Variants in RALYL observed in about 807,000 individuals in gnomAD.
RALYL encodes the protein RALY RNA binding protein like.
A neutral mutation model predicts 35.1 loss-of-function variants in RALYL; 29 were observed. The observed-to-expected ratio is 0.83, with a 90% CI of 0.61 to 1.13. The LOEUF is 1.13. Ranked by LOEUF, RALYL falls within the 50% of genes most tolerant of loss-of-function variation. The pLI is 0.00. For missense variants in RALYL, 359 were observed against 360.4 expected (o/e 1.00, Z 0.03); for synonymous variants, 120 against 127.6 (o/e 0.94, Z 0.40).
At chr8:84,913,400 A>C (rs1162040131) in intron 8 of RALYL, among the ~76,000 whole-genome samples, 3 of 152,026 alleles carry the variant, frequency 2.0e-5, no homozygotes, top group Non-Finnish European at 4.4e-5. Context: ...AGAGAATTCA[A>C]CTTTTACTGA....
chr8:84,837,181 C>T (rs1428231437), intron 4 of RALYL, among the ~76,000 whole-genome samples: 1 of 152,162 alleles, frequency 6.6e-6, no homozygotes, highest in Non-Finnish European at 1.5e-5. Context: ...AACTTACGGT[C>T]AACTGTGTAT....
chr8:84,339,607 T>A (rs73294905), intron 1 of RALYL, among the ~76,000 whole-genome samples: 1,866 of 152,024 alleles, frequency 0.012, 52 homozygotes, highest in African/African-American at 0.042. Context: ...GTACAACACA[T>A]GTAATGTTCT....
intron 1 of RALYL, among the ~76,000 whole-genome samples, chr8:84,482,203 G>A (rs2054120224): frequency 6.6e-6 from 1 of 151,956 alleles, no homozygotes; most frequent in South Asian, 2.1e-4. Flanking sequence ...GAGAGCAGAG[G>A]AATACAGCTC....
chr8:84,469,994 C>A (rs889490778), intron 1 of RALYL, among the ~76,000 whole-genome samples: 1 of 152,184 alleles, frequency 6.6e-6, no homozygotes, highest in African/African-American at 2.4e-5. Context: ...CGCCCTGCTT[C>A]GGCTCGCGCA....
At chr8:84,485,964 G>A (rs192189791) in intron 1 of RALYL, among the ~76,000 whole-genome samples, 1 of 143,470 alleles carries the variant, frequency 7.0e-6, no homozygotes, top group East Asian at 2.2e-4. Context: ...ATTCTATTAT[G>A]TAAGTTATAT....
At chr8:84,786,333 G>A (rs1052836417) in intron 3 of RALYL, among the ~76,000 whole-genome samples, 6 of 151,956 alleles carry the variant, frequency 3.9e-5, no homozygotes, top group African/African-American at 1.5e-4. Flanking sequence ...TATTCCTTTG[G>A]GTATATACCT....
At chr8:84,468,558 T>C (rs915668185) in intron 1 of RALYL, among the ~76,000 whole-genome samples, 1 of 149,006 alleles carries the variant, frequency 6.7e-6, no homozygotes, top group Non-Finnish European at 1.5e-5. Context: ...CCGACCTTTC[T>C]CTCTGGCTGC....
chr8:84,859,683 C>T (rs1456502639), intron 5 of RALYL, among the ~76,000 whole-genome samples: 1 of 151,966 alleles, frequency 6.6e-6, no homozygotes, highest in East Asian at 1.9e-4. Context: ...AATGCTATCT[C>T]TACAAAAAAT....
intron 2 of RALYL, among the ~76,000 whole-genome samples, chr8:84,738,823 G>A (rs927724047): frequency 7.9e-5 from 12 of 151,958 alleles, no homozygotes; most frequent in Admixed American, 2.6e-4. Context: ...GTAACTGCCC[G>A]AACCTATTGA....
rs10678224 is a variant in RALYL at position 84,702,539 on chromosome 8, T to TCACACACACACACACACACACA, written c.257-72034_257-72013dup. Among the ~76,000 whole-genome samples, 27 of 136,536 alleles carry TCACACACACACACACACACACA rather than the reference T, an allele frequency of 2.0e-4. 1 individual carries two copies. The highest frequency in any genetic ancestry group is 7.7e-4 in the African/African-American group (25 of 32,560). 89.6% of individuals were successfully genotyped at this position (136,536 alleles called of 152,430 possible). A position where few individuals can be genotyped will look rare whatever the true frequency, so the allele number is the denominator to read the frequency against. On this transcript the variant is annotated intron_variant, in intron 2 of 8. Transcript: ENST00000521268. ...TGCATAGTCTCTCTCTCTCTCTCTC[T>TCACACACACACACACACACACA]CACACACACACACACACACACACAC...
intron 2 of RALYL, among the ~76,000 whole-genome samples, chr8:84,585,577 T>C (rs545043463): frequency 3.3e-5 from 5 of 152,308 alleles, no homozygotes; most frequent in African/African-American, 1.2e-4. Flanking sequence ...CATATTATAG[T>C]AGAAAATGCT....
intron 2 of RALYL, among the ~76,000 whole-genome samples, chr8:84,688,461 C>T (rs1837296773): frequency 6.6e-6 from 1 of 151,932 alleles, no homozygotes; most frequent in Non-Finnish European, 1.5e-5. Context: ...CCCAAGAACA[C>T]ACAATGGGGA....
chr8:84,401,363 C>T (rs556992023), intron 1 of RALYL, among the ~76,000 whole-genome samples: 4 of 152,032 alleles, frequency 2.6e-5, no homozygotes, highest in African/African-American at 9.6e-5. Flanking sequence ...AGAGGCCAGG[C>T]GCGATGGCTC....
rs548023241 is a variant in RALYL at position 84,456,109 on chromosome 8, G to C, written c.-23-73190G>C. On this transcript the variant is annotated intron_variant, in intron 1 of 8. Coordinates refer to ENST00000521268, the MANE Select transcript of RALYL (RefSeq NM_173848.7). ...AAAATGTACACAATTATAAAATGTA[G>C]TGAGGAAGAGAGACCAATGGGGCAG... Among the ~76,000 whole-genome samples, 19 of 152,104 alleles carry C rather than the reference G, an allele frequency of 1.2e-4. No homozygotes were observed. The East Asian group carries it at 3.7e-3, about 30-fold the overall frequency.
At chr8:84,820,488 A>G (rs1194877870) in intron 4 of RALYL, among the ~76,000 whole-genome samples, 2 of 152,138 alleles carry the variant, frequency 1.3e-5, no homozygotes, top group Non-Finnish European at 2.9e-5. Flanking sequence ...CTGTTTCCTT[A>G]TTGTTACCAG....
At chr8:84,728,449 C>A (rs895274313) in intron 2 of RALYL, among the ~76,000 whole-genome samples, 2 of 151,298 alleles carry the variant, frequency 1.3e-5, no homozygotes, top group Non-Finnish European at 3.0e-5. Flanking sequence ...ATGGTAGTTT[C>A]TTTTGCTGTG....
chr8:84,478,966 G>A (rs954219150), intron 1 of RALYL, among the ~76,000 whole-genome samples: 1 of 141,160 alleles, frequency 7.1e-6, no homozygotes, highest in African/African-American at 2.5e-5. Flanking sequence ...GGCGCCTATA[G>A]TCCCAGCTAC....
At chr8:84,604,217 C>T (rs1301908770) in intron 2 of RALYL, among the ~76,000 whole-genome samples, 1 of 152,052 alleles carries the variant, frequency 6.6e-6, no homozygotes, top group Admixed American at 6.6e-5. Context: ...GCCCTATCTG[C>T]CCAAATATTG....
At chr8:84,401,510 C>T (rs370967204) in intron 1 of RALYL, among the ~76,000 whole-genome samples, 2 of 151,492 alleles carry the variant, frequency 1.3e-5, no homozygotes, top group South Asian at 2.1e-4. Context: ...CGGTGGCGGG[C>T]GCCTGTAATC....
Sources: allele counts gnomAD v4.1 joint callset (sites outside exome capture counted in the v4.1 genomes callset), GRCh38; gene constraint gnomAD v4.1.1; transcripts MANE v1.5; gene names NCBI Gene and HGNC (gene_info 2026-07-23, HGNC 2026-07-21).